C1GALT1: variants seen among roughly 807,000 people sequenced by gnomAD.
C1GALT1 encodes the protein glycoprotein-N-acetylgalactosamine 3-beta-galactosyltransferase 1.
Under a neutral mutation model 31.0 loss-of-function variants are expected in C1GALT1, and 11 were observed. The ratio of observed to expected loss-of-function variants is 0.36; its 90% confidence interval spans 0.22 to 0.59. C1GALT1 has a LOEUF of 0.59. C1GALT1 is among the 20% of genes least tolerant of loss of function. The pLI, the probability that C1GALT1 is intolerant of heterozygous loss-of-function variation, is 0.79. For synonymous variants in C1GALT1, 175 were observed against 143.6 expected (o/e 1.22, Z -1.56); for missense variants, 424 against 425.2 (o/e 1.00, Z 0.03).
chr7:7,238,416 G>C lies in C1GALT1; in HGVS notation c.382G>C (p.Asp128His), dbSNP rs931536997. The C allele has an allele frequency of 6.2e-7, 1 of 1,613,980 alleles. No homozygotes were observed. The highest frequency in any genetic ancestry group is 8.5e-7 in the Non-Finnish European group (1 of 1,179,962). ...VLFMSSEENK[D>H]FPAVGLKTKE... is the part of the protein sequence containing the mutation. ...GTTTATGAGTTCAGAAGAAAATAAAGACTTCCCTGCTGTGGGACTGAAAAC... is the reference window on the plus strand; with the variant it reads ...GTTTATGAGTTCAGAAGAAAATAAACACTTCCCTGCTGTGGGACTGAAAAC... The change falls in exon 3 of 4, where the codon GAC becomes CAC. Residue 128 changes from aspartate to histidine, a missense_variant. Asp to His is a moderately conservative substitution (Grantham distance 81). Transcript: ENST00000436587. The surrounding 1 kb of genome is among the most constrained non-coding windows in gnomAD (Gnocchi z 5.2).
At chr7:7,227,657 T>C (rs974284318) in intron 1 of C1GALT1, among the ~76,000 whole-genome samples, 38 of 150,192 alleles carry the variant, frequency 2.5e-4, no homozygotes, top group African/African-American at 9.1e-4. Flanking sequence ...GAGGCGGAGC[T>C]TGCAGTGAGC....
At chr7:7,202,711 C>A (rs1195606341) in intron 1 of C1GALT1, among the ~76,000 whole-genome samples, 2 of 152,082 alleles carry the variant, frequency 1.3e-5, no homozygotes, top group Non-Finnish European at 2.9e-5. Context: ...TTCAGGGTCC[C>A]TTAATATTCC....
At chr7:7,216,810 G>A (rs572708074) in intron 1 of C1GALT1, among the ~76,000 whole-genome samples, 7 of 152,252 alleles carry the variant, frequency 4.6e-5, no homozygotes, top group South Asian at 2.1e-4. Flanking sequence ...ATAAACTTCC[G>A]TTCTCAGAAG....
intron 1 of C1GALT1, among the ~76,000 whole-genome samples, chr7:7,183,185 C>G (rs1004105726): frequency 2.6e-5 from 4 of 151,946 alleles, no homozygotes; most frequent in Admixed American, 2.6e-4. Context: ...GACCGGACCA[C>G]TTAGCGGTCC....
At chr7:7,190,443 A>C (rs1473057004) in intron 1 of C1GALT1, among the ~76,000 whole-genome samples, 1 of 152,146 alleles carries the variant, frequency 6.6e-6, no homozygotes, top group Non-Finnish European at 1.5e-5. Flanking sequence ...TTCCATTCTC[A>C]CTTTATAAAA....
intron 1 of C1GALT1, among the ~76,000 whole-genome samples, chr7:7,207,315 G>A (rs1409120476): frequency 1.1e-5 from 1 of 88,916 alleles, no homozygotes; most frequent in Non-Finnish European, 2.5e-5. Context: ...TTCATTCTCT[G>A]TGTTTCTCTT....
chr7:7,234,176 T>C, intron 1 of C1GALT1, 127 bp from the exon 2 acceptor site: 1 of 689,032 alleles, frequency 1.5e-6, no homozygotes, highest in Non-Finnish European at 2.4e-6. Context: ...AGGGGTAAAC[T>C]CATAGATAAT....
chr7:7,218,166 A>G (rs961419757), intron 1 of C1GALT1, among the ~76,000 whole-genome samples: 2 of 152,216 alleles, frequency 1.3e-5, no homozygotes, highest in Non-Finnish European at 2.9e-5. Flanking sequence ...AGGTCTGTGG[A>G]GTAGACAAAA....
In C1GALT1 at chr7:7,183,613, A is replaced by T. The variant is rs537047253; in HGVS notation, c.-18+793A>T. 3.4e-4 allele frequency: 332 copies of T among 983,732 alleles called. 1 individual carries two copies. The African/African-American group carries it at 5.4e-3, about 16-fold the overall frequency. The allele number at this position is 983,732 out of a possible 1,614,324, so 60.9% of individuals were successfully genotyped here. ...AATTTGGGTAAGTCGTACACTCTTA[A>T]AAGATGACCATAATTTAGCGCTGTG... On this transcript the variant is annotated intron_variant, in intron 1 of 3. Transcript: ENST00000436587.
At chr7:7,212,372 G>T (rs145965823) in intron 1 of C1GALT1, among the ~76,000 whole-genome samples, 50 of 152,302 alleles carry the variant, frequency 3.3e-4, no homozygotes, top group African/African-American at 1.1e-3. Context: ...TTCAGTCAAA[G>T]CCTTGGTATA....
intron 2 of C1GALT1, among the ~76,000 whole-genome samples, chr7:7,165,561 G>A (rs1024149741): frequency 8.5e-5 from 13 of 152,128 alleles, no homozygotes; most frequent in African/African-American, 3.1e-4. Context: ...AGTGTAGGAA[G>A]CTCTAGATGC....
At chr7:7,187,055 ATGT>A (rs1404242329) in intron 1 of C1GALT1, among the ~76,000 whole-genome samples, 1 of 152,198 alleles carries the variant, frequency 6.6e-6, no homozygotes, top group Non-Finnish European at 1.5e-5. Flanking sequence ...GTTGGTTAGA[ATGT>A]TGTTGGAGTA....
chr7:7,167,871 T>C (rs904794053), intron 2 of C1GALT1, among the ~76,000 whole-genome samples: 1 of 152,272 alleles, frequency 6.6e-6, no homozygotes, highest in African/African-American at 2.4e-5. Context: ...AGCAGCTTAG[T>C]CCTTGTCTCT....
At chr7:7,203,359 G>C (rs1278474412) in intron 1 of C1GALT1, among the ~76,000 whole-genome samples, 2 of 152,032 alleles carry the variant, frequency 1.3e-5, no homozygotes, top group Admixed American at 6.6e-5. Flanking sequence ...CCATGTGTCT[G>C]ATGTTCACTG....
Position 7,163,191 on chromosome 7 carries a change from G to A in C1GALT1, c.-18+5765G>A, listed in dbSNP as rs59911571. Among the ~76,000 whole-genome samples the A allele has an allele frequency of 4.3e-3, 651 of 152,224 alleles. 8 individuals carry two copies. The highest frequency in any genetic ancestry group is 0.015 in the African/African-American group (622 of 41,540). The stretch of plus-strand genomic sequence containing the variant: ...TGTTTTAGACATGAAGTCCTTGCCC[G>A]TTCCTATGTCCTGAATGGTAATGCC... On this transcript the variant is annotated intron_variant, in intron 2 of 3. Transcript: ENST00000429911.
intron 2 of C1GALT1, among the ~76,000 whole-genome samples, chr7:7,158,958 G>A (rs1044131481): frequency 2.2e-4 from 34 of 152,160 alleles, no homozygotes; most frequent in African/African-American, 8.2e-4. Flanking sequence ...AACGAGCAGG[G>A]TTCTTGATCT....
chr7:7,228,283 A>T (rs1486863635), intron 1 of C1GALT1, among the ~76,000 whole-genome samples: 1 of 152,206 alleles, frequency 6.6e-6, no homozygotes, highest in Non-Finnish European at 1.5e-5. Context: ...TTAAAAATAA[A>T]ATTAAAATAT....
In C1GALT1 at chr7:7,246,853, G is replaced by A. The variant is rs1213394364; in HGVS notation, c.*3126G>A. On this transcript the variant is annotated 3_prime_UTR_variant, in exon 4 of 4. Coordinates refer to ENST00000436587, the MANE Select transcript of C1GALT1 (RefSeq NM_020156.5). The stretch of plus-strand genomic sequence containing the variant: ...TTTTCAAAAAGCATGTTTTAAATCA[G>A]TGTAGTCCAGGATCACACTATATTA... 1 of 152,136 alleles carries A rather than the reference G, an allele frequency of 6.6e-6. No homozygotes were observed. The highest frequency in any genetic ancestry group is 2.4e-5 in the African/African-American group (1 of 41,422). The allele number at this position is 152,136 out of a possible 1,614,324, so 9.4% of individuals were successfully genotyped here.
At position 7,208,978 on chromosome 7, in the gene C1GALT1, G is replaced by A. The variant is rs544436675; in HGVS notation, c.-17-25325G>A. ...AGCTTCATAATAGTTGTATGAGATA[G>A]ATTCTACCAGCGTAAGTGTTCTCTG... On this transcript the variant is annotated intron_variant, in intron 1 of 3. Transcript: ENST00000436587. Among the ~76,000 whole-genome samples, 3 of 152,270 alleles carry A rather than the reference G, an allele frequency of 2.0e-5. No individual in the cohort carries two copies. The South Asian group carries it at 6.2e-4, about 32-fold the overall frequency.
Sources: gnomAD v4.1 joint callset for allele counts (sites outside exome capture counted in the v4.1 genomes callset) on GRCh38, gnomAD v4.1.1 for gene constraint, Gnocchi (gnomAD v3.1) non-coding constraint, MANE v1.5 for transcripts, NCBI Gene and HGNC (gene_info 2026-07-23, HGNC 2026-07-21) for gene names.